Variants in UGT2A2 observed in about 807,000 individuals in gnomAD.
The protein encoded by UGT2A2 is UDP glucuronosyltransferase family 2 member A2.
UGT2A2 carries 60 observed loss-of-function variants against 50.7 expected under a neutral mutation model. The observed-to-expected ratio is 1.18, with a 90% confidence interval of 0.96 to 1.47. The LOEUF (loss-of-function observed/expected upper bound fraction) is 1.47, where lower values mean the gene tolerates loss of function less well. UGT2A2 is among the 40% of genes most tolerant of loss of function. The pLI, the probability that UGT2A2 is intolerant of heterozygous loss-of-function variation, is 0.00. For synonymous variants in UGT2A2, 242 were observed against 214.6 expected (o/e 1.13, Z -1.11); for missense variants, 762 against 634.0 (o/e 1.20, Z -2.17).
At position 69,639,096 on chromosome 4, in the gene UGT2A2, A is replaced by G; in HGVS notation, c.545T>C (p.Phe182Ser). ...TCTCTCCACTGTTGATGCTGGAGAG[A>G]ACCTCAATGTGTACATAAATGGAAT... is the stretch of plus-strand genomic sequence containing the variant. Reference protein sequence around the residue: ...LGIPFMYTLRFSPASTVERHC... With the variant: ...LGIPFMYTLRSSPASTVERHC... Residue 182 changes from phenylalanine (F) to serine (S), a missense_variant, in exon 1 of 6, where the codon TTC becomes TCC. Transcript: ENST00000604629. 6.2e-7 allele frequency: 1 copy of G among 1,613,432 alleles called. No homozygotes were observed. Among genetic ancestry groups the G allele is most frequent in the Non-Finnish European group, 8.5e-7 (1 of 1,179,680 alleles).
intron 1 of UGT2A2, among the ~76,000 whole-genome samples, chr4:69,612,318 C>A (rs1720112384): frequency 6.6e-6 from 1 of 151,924 alleles, no homozygotes; most frequent in South Asian, 2.1e-4. Flanking sequence ...GTTAAAATGG[C>A]CAAATTGCCC....
In UGT2A2 at chr4:69,638,973, A is replaced by G. The variant is rs1007029903; in HGVS notation, c.668T>C (p.Ile223Thr). 6.2e-7 allele frequency: 1 copy of G among 1,613,058 alleles called. No homozygotes were observed. The highest frequency in any genetic ancestry group is 1.7e-5 in the Admixed American group (1 of 59,896). ...TATATAGTCTTGCAGAGAATAAGATATGGTATTTTTAATCCTTTCACCAAA... is the reference window on the plus strand; with the variant it reads ...TATATAGTCTTGCAGAGAATAAGATGTGGTATTTTTAATCCTTTCACCAAA... ...MTFGERIKNT[I>T]SYSLQDYIFQ... The change falls in exon 1 of 6, where the codon ATA becomes ACA. Residue 223 changes from isoleucine (I) to threonine (T), a missense_variant. Ile to Thr is a moderately conservative substitution (Grantham distance 89, BLOSUM62 -1). Coordinates refer to ENST00000604629, the MANE Select transcript of UGT2A2 (RefSeq NM_001105677.2).
At chr4:69,627,277 A>G (rs1433713262) in intron 1 of UGT2A2, among the ~76,000 whole-genome samples, 2 of 151,904 alleles carry the variant, frequency 1.3e-5, no homozygotes, top group African/African-American at 4.8e-5. Context: ...TTTATAAAAA[A>G]AATCAAATCC....
At chr4:69,617,835 A>G (rs141098153) in intron 1 of UGT2A2, among the ~76,000 whole-genome samples, 168 of 152,028 alleles carry the variant, frequency 1.1e-3, no homozygotes, top group African/African-American at 3.9e-3. Flanking sequence ...TCAAAATAAA[A>G]CAGGGCAATA....
chr4:69,624,640 G>C (rs770936102), intron 1 of UGT2A2, among the ~76,000 whole-genome samples: 1 of 148,910 alleles, frequency 6.7e-6, no homozygotes, highest in Non-Finnish European at 1.5e-5. Context: ...TACCTTTGTT[G>C]TGGTTGTGTG....
In UGT2A2 at chr4:69,599,234, T is replaced by C. The variant is rs774703117; in HGVS notation, c.891+12A>G. The C allele has an allele frequency of 6.2e-7, 1 of 1,611,992 alleles. No homozygotes were observed. The highest frequency in any genetic ancestry group is 8.5e-7 in the Non-Finnish European group (1 of 1,179,410). On this transcript the variant is annotated intron_variant, in intron 2 of 5. Transcript: ENST00000604629. ...ATGAAGAGCATAAAATCCTCCACTG[T>C]TGTAGACCTACCTTAGGTAAAGGTT...
At position 69,615,910 on chromosome 4, in the gene UGT2A2, A is replaced by G. The variant is rs1720352393; in HGVS notation, c.743-16516T>C. ...TGATCCGACAATCACACTGCTGGGT[A>G]TATATCCAAATAAAGGAATCAGTAT... On this transcript the variant is annotated intron_variant, in intron 1 of 5. Transcript: ENST00000604629. 2.0e-5 allele frequency among the ~76,000 whole-genome samples: 3 copies of G among 152,074 alleles called. No individual in the cohort carries two copies. In the South Asian group the frequency reaches 6.2e-4, roughly 31 times the overall value.
chr4:69,630,990 C>T (rs969952106), intron 1 of UGT2A2, among the ~76,000 whole-genome samples: 1 of 152,106 alleles, frequency 6.6e-6, no homozygotes, highest in Non-Finnish European at 1.5e-5. Flanking sequence ...TGAATGTGAT[C>T]TCTGTGATAG....
intron 1 of UGT2A2, chr4:69,635,688 G>T (rs2109962774): frequency 7.1e-6 from 2 of 282,982 alleles, no homozygotes; most frequent in South Asian, 5.5e-5. Flanking sequence ...AAATTAGCCT[G>T]ACCTGCTGGC....
At chr4:69,589,696 T>A in intron 5 of UGT2A2, 45 bp from the exon 6 acceptor site, 2 of 1,561,444 alleles carry the variant, frequency 1.3e-6, no homozygotes, top group Non-Finnish European at 1.7e-6. Context: ...TTTTTGTTTT[T>A]ATTTTCATTG....
rs1158096760 is a variant in UGT2A2 at position 69,604,906 on chromosome 4, C to T, written c.743-5512G>A. ...TATATATGCACCCAATACAGGAGCA[C>T]CCAGATTCATAAAGCAAGTCCTTAG... On this transcript the variant is annotated intron_variant, in intron 1 of 5. Coordinates refer to ENST00000604629, the MANE Select transcript of UGT2A2 (RefSeq NM_001105677.2). 3.7e-5 allele frequency among the ~76,000 whole-genome samples: 5 copies of T among 136,482 alleles called. 1 individual carries two copies. Among genetic ancestry groups the T allele is most frequent in the Non-Finnish European group, 7.8e-5 (5 of 64,180 alleles). 89.5% of individuals were successfully genotyped at this position (136,482 alleles called of 152,430 possible).
Position 69,602,925 on chromosome 4 carries a change from G to A in UGT2A2, c.743-3531C>T, listed in dbSNP as rs1396201938. On this transcript the variant is annotated intron_variant, in intron 1 of 5. Coordinates refer to ENST00000604629, the MANE Select transcript of UGT2A2 (RefSeq NM_001105677.2). ...TACTAAAAATACAAAAAAATTAGCC[G>A]GGCGTGGTGGCAGGTGCCTGTAATC... is the stretch of plus-strand genomic sequence containing the variant. 3.0e-5 allele frequency among the ~76,000 whole-genome samples: 4 copies of A among 134,788 alleles called. 1 individual carries two copies. The highest frequency in any genetic ancestry group is 7.3e-5 in the Admixed American group (1 of 13,652). 88.4% of individuals were successfully genotyped at this position (134,788 alleles called of 152,430 possible).
intron 1 of UGT2A2, among the ~76,000 whole-genome samples, chr4:69,618,873 CTT>C (rs1218173100): frequency 6.6e-6 from 1 of 151,708 alleles, no homozygotes; most frequent in African/African-American, 2.4e-5. Flanking sequence ...AGAAACCAAA[CTT>C]CGGAAAATTT....
chr4:69,617,479 A>G (rs999577429), intron 1 of UGT2A2, among the ~76,000 whole-genome samples: 12 of 151,996 alleles, frequency 7.9e-5, no homozygotes, highest in African/African-American at 2.9e-4. Context: ...GTATATACGT[A>G]GACGTACAAA....
chr4:69,600,363 C>T (rs566990553), intron 1 of UGT2A2, among the ~76,000 whole-genome samples: 7 of 152,266 alleles, frequency 4.6e-5, no homozygotes, highest in African/African-American at 1.2e-4. Context: ...AGGGACCTTG[C>T]GGAAGTCTGT....
intron 1 of UGT2A2, among the ~76,000 whole-genome samples, chr4:69,631,609 T>C (rs1430160459): frequency 6.6e-6 from 1 of 152,182 alleles, no homozygotes; most frequent in African/African-American, 2.4e-5. Flanking sequence ...ATAACTTCAA[T>C]GTAGTCAGAT....
intron 1 of UGT2A2, among the ~76,000 whole-genome samples, chr4:69,601,510 T>C (rs1322997413): frequency 1.3e-5 from 2 of 152,180 alleles, no homozygotes; most frequent in African/African-American, 2.4e-5. Context: ...CATTACAGCA[T>C]CTGCAGGCAT....
At position 69,588,426 on chromosome 4, in the gene UGT2A2, A is replaced by C. The variant is rs1718376208; in HGVS notation, c.*946T>G. The C allele has an allele frequency of 6.6e-6, 1 of 152,140 alleles. No homozygotes were observed. The highest frequency in any genetic ancestry group is 2.4e-5 in the African/African-American group (1 of 41,464). 9.4% of individuals were successfully genotyped at this position (152,140 alleles called of 1,614,324 possible). A position where few individuals can be genotyped will look rare whatever the true frequency, so the allele number is the denominator to read the frequency against. On this transcript the variant is annotated 3_prime_UTR_variant, in exon 6 of 6. Transcript: ENST00000604629. ...AAATAATGCAATGATATCAAATTCC[A>C]AGTAAGCATTTTTTATTTTTTGGCA...
At chr4:69,605,077 C>T (rs185798656) in intron 1 of UGT2A2, among the ~76,000 whole-genome samples, 1 of 136,706 alleles carries the variant, frequency 7.3e-6, no homozygotes, top group Non-Finnish European at 1.6e-5. Flanking sequence ...AGACCTAATA[C>T]ACATCTACAG....
Sources: allele counts gnomAD v4.1 joint callset (sites outside exome capture counted in the v4.1 genomes callset), GRCh38; gene constraint gnomAD v4.1.1; transcripts MANE v1.5; gene names NCBI Gene and HGNC (gene_info 2026-07-23, HGNC 2026-07-21).